Variants in C2orf42 observed in about 807,000 individuals in gnomAD.
C2orf42 encodes uncharacterized protein C2orf42.
A neutral mutation model predicts 58.9 loss-of-function variants in C2orf42; 44 were observed. That is an observed-to-expected ratio of 0.75 (90% CI 0.59 to 0.96). The LOEUF (loss-of-function observed/expected upper bound fraction) is 0.96, where lower values mean the gene tolerates loss of function less well. C2orf42 is among the 40% of genes least tolerant of loss of function. The pLI, the probability that C2orf42 is intolerant of heterozygous loss-of-function variation, is 0.00. For missense variants in C2orf42, 630 were observed against 699.2 expected (o/e 0.90, Z 1.12); for synonymous variants, 239 against 265.4 (o/e 0.90, Z 0.97).
intron 9 of C2orf42, among the ~76,000 whole-genome samples, chr2:70,157,801 A>G (rs1672778939): frequency 6.6e-6 from 1 of 152,264 alleles, no homozygotes; most frequent in Admixed American, 6.5e-5. Context: ...TATCTGAAAA[A>G]CAAACAAAAA....
chr2:70,151,009 C>T (rs1437113076), intron 9 of C2orf42, among the ~76,000 whole-genome samples: 3 of 152,180 alleles, frequency 2.0e-5, no homozygotes, highest in South Asian at 2.1e-4. Context: ...CTCCCAAGTG[C>T]TGGGATTACA....
intron 1 of C2orf42, among the ~76,000 whole-genome samples, chr2:70,185,486 G>C (rs1674869161): frequency 6.6e-6 from 1 of 152,014 alleles, no homozygotes; most frequent in South Asian, 2.1e-4. Flanking sequence ...TGAGGTGGGA[G>C]GGTCACTTGA....
At chr2:70,180,811 C>T (rs548645021) in intron 3 of C2orf42, among the ~76,000 whole-genome samples, 2 of 149,670 alleles carry the variant, frequency 1.3e-5, no homozygotes, top group South Asian at 4.3e-4. Flanking sequence ...AGACCAGCCT[C>T]GGCAACAAAG....
At chr2:70,156,764 A>C (rs1489512924) in intron 9 of C2orf42, among the ~76,000 whole-genome samples, 3 of 151,382 alleles carry the variant, frequency 2.0e-5, no homozygotes, top group Non-Finnish European at 2.9e-5. Flanking sequence ...CAGGAGGCTG[A>C]GGTGGGAGGA....
intron 4 of C2orf42, among the ~76,000 whole-genome samples, chr2:70,178,854 G>A (rs1674362653): frequency 6.6e-6 from 1 of 151,400 alleles, no homozygotes; most frequent in Non-Finnish European, 1.5e-5. Context: ...GAACCCGGGA[G>A]GCAGAGGTTG....
intron 4 of C2orf42, among the ~76,000 whole-genome samples, chr2:70,177,640 A>T (rs1050565616): frequency 1.3e-5 from 2 of 152,182 alleles, no homozygotes; most frequent in Non-Finnish European, 2.9e-5. Flanking sequence ...AAGGATCTTA[A>T]CAGATACTAC....
chr2:70,168,903 T>C (rs1453504058), intron 6 of C2orf42, among the ~76,000 whole-genome samples: 1 of 151,710 alleles, frequency 6.6e-6, no homozygotes, highest in African/African-American at 2.4e-5. Context: ...TTAGTAGAGA[T>C]AGGGTTTCGC....
chr2:70,186,473 G>C (rs1315306856), intron 1 of C2orf42, among the ~76,000 whole-genome samples: 3 of 152,168 alleles, frequency 2.0e-5, no homozygotes, highest in Non-Finnish European at 4.4e-5. Context: ...TGCTGGAGAG[G>C]ATGTGGAGAA....
At position 70,150,425 on chromosome 2, in the gene C2orf42, G is replaced by T. The variant is rs376822689; in HGVS notation, c.1656C>A (p.Tyr552Ter). 6.2e-7 allele frequency: 1 copy of T among 1,614,046 alleles called. No homozygotes were observed. Among genetic ancestry groups the T allele is most frequent in the African/African-American group, 1.3e-5 (1 of 74,916 alleles). ...GHHRNGHVAE[Y>*]QDQRPPLDQP... is the part of the protein sequence containing the mutation. ...GGTCCAAGGGGGGCCGCTGGTCTTG[G>T]TACTCCGCCACATGCCCATTCCGGT... The change falls in exon 10 of 10, where the codon TAC (tyrosine) becomes TAA (stop). Residue 552 changes from tyrosine to a stop codon, truncating the protein, a stop_gained. Coordinates refer to ENST00000264434, the MANE Select transcript of C2orf42 (RefSeq NM_017880.3). LOFTEE classifies it high-confidence loss of function.
chr2:70,158,816 T>C (rs1053054397), intron 9 of C2orf42, among the ~76,000 whole-genome samples: 5 of 151,706 alleles, frequency 3.3e-5, no homozygotes, highest in African/African-American at 1.2e-4. Context: ...TGGTTGGAAC[T>C]CCTGGCCTCA....
chr2:70,186,697 C>A (rs965381765), intron 1 of C2orf42, among the ~76,000 whole-genome samples: 15 of 152,100 alleles, frequency 9.9e-5, no homozygotes, highest in African/African-American at 3.6e-4. Context: ...AGACTTGGAA[C>A]CAACCCAAAT....
chr2:70,185,588 A>G (rs1010851886), intron 1 of C2orf42, among the ~76,000 whole-genome samples: 5 of 151,256 alleles, frequency 3.3e-5, no homozygotes, highest in African/African-American at 1.2e-4. Flanking sequence ...GCACATGTCT[A>G]TAACCCCAGC....
At position 70,181,423 on chromosome 2, in the gene C2orf42, A is replaced by G. The variant is rs1558684541; in HGVS notation, c.563T>C (p.Ile188Thr). The change falls in exon 3 of 10, where the codon ATC (isoleucine) becomes ACC (threonine). Residue 188 changes from isoleucine (I) to threonine (T), a missense_variant. By Grantham distance (89) the Ile-to-Thr change is moderately conservative. Transcript: ENST00000264434. ...GPLVQRITKN[I>T]LVVKCKASQK... Reference sequence around the variant, plus strand: ...GCTTGCCTTGCATTTCACCACCAAGATGTTTTTAGTAATTCTCTGCACCAG... The same window carrying G: ...GCTTGCCTTGCATTTCACCACCAAGGTGTTTTTAGTAATTCTCTGCACCAG... 1.2e-6 allele frequency: 2 copies of G among 1,614,090 alleles called. No homozygotes were observed. The highest frequency in any genetic ancestry group is 1.7e-6 in the Non-Finnish European group (2 of 1,180,008).
chr2:70,150,300 G>T lies in C2orf42; in HGVS notation c.*56C>A. On this transcript the variant is annotated 3_prime_UTR_variant, in exon 10 of 10. Transcript: ENST00000264434. The stretch of plus-strand genomic sequence containing the variant: ...AAGTGCCTAACTAGCATTTAAAGTT[G>T]TCAAGGGGTGGGGATGTGCAAATTA... 6.8e-7 allele frequency: 1 copy of T among 1,478,110 alleles called. No homozygotes were observed. Among genetic ancestry groups the T allele is most frequent in the South Asian group, 1.1e-5 (1 of 88,450 alleles). The allele number at this position is 1,478,110 out of a possible 1,614,324, so 91.6% of individuals were successfully genotyped here. A position where few individuals can be genotyped will look rare whatever the true frequency, so the allele number is the denominator to read the frequency against.
At chr2:70,176,242 G>A (rs574869714) in intron 4 of C2orf42, among the ~76,000 whole-genome samples, 4 of 152,058 alleles carry the variant, frequency 2.6e-5, no homozygotes, top group Non-Finnish European at 5.9e-5. Context: ...AAAATTATTC[G>A]TTCTGTAATC....
chr2:70,168,649 C>T (rs900649187), intron 6 of C2orf42, among the ~76,000 whole-genome samples: 1 of 151,276 alleles, frequency 6.6e-6, no homozygotes, highest in African/African-American at 2.4e-5. Flanking sequence ...TGGTGACGTT[C>T]CATGAGACTA....
chr2:70,176,128 C>A (rs1674176077), intron 4 of C2orf42, among the ~76,000 whole-genome samples: 1 of 152,034 alleles, frequency 6.6e-6, no homozygotes, highest in Non-Finnish European at 1.5e-5. Flanking sequence ...CCAGAGTTGC[C>A]AAATTTAGCA....
Position 70,150,062 on chromosome 2 carries a change from C to G in C2orf42, c.*294G>C. 2.4e-6 allele frequency: 1 copy of G among 421,798 alleles called. No individual in the cohort carries two copies. Among genetic ancestry groups the G allele is most frequent in the East Asian group, 4.9e-5 (1 of 20,550 alleles). 26.1% of individuals were successfully genotyped at this position (421,798 alleles called of 1,614,324 possible). A position where few individuals can be genotyped will look rare whatever the true frequency, so the allele number is the denominator to read the frequency against. ...AATTAGCAAAAGGTTGAAATAAACG[C>G]TAAAGATGAGTCCGTAAGAAGGAAA... On this transcript the variant is annotated 3_prime_UTR_variant, in exon 10 of 10. Coordinates refer to ENST00000264434, the MANE Select transcript of C2orf42 (RefSeq NM_017880.3).
intron 9 of C2orf42, among the ~76,000 whole-genome samples, chr2:70,154,001 C>T (rs1354476824): frequency 3.3e-5 from 5 of 150,068 alleles, no homozygotes; most frequent in African/African-American, 4.9e-5. Flanking sequence ...TGCAGTGAGC[C>T]GAGATCGCGC....
Sources: gnomAD v4.1 joint callset for allele counts (sites outside exome capture counted in the v4.1 genomes callset) on GRCh38, gnomAD v4.1.1 for gene constraint, MANE v1.5 for transcripts, NCBI Gene and HGNC (gene_info 2026-07-23, HGNC 2026-07-21) for gene names.